The following GUCY2D variants were observed in gnomAD, a reference collection of about 807,000 sequenced individuals.
GUCY2D encodes retinal guanylyl cyclase 1.
Under a neutral mutation model 101.3 loss-of-function variants are expected in GUCY2D, and 70 were observed. That is an observed-to-expected ratio of 0.69 (90% CI 0.57 to 0.84). GUCY2D has a LOEUF of 0.84. GUCY2D is among the 40% of genes least tolerant of loss of function. GUCY2D has a pLI of 0.00. For synonymous variants in GUCY2D, 688 were observed against 670.7 expected (o/e 1.03, Z -0.40); for missense variants, 1,460 against 1,542.5 (o/e 0.95, Z 0.90).
chr17:8,005,272 T>C (rs1307999509), intron 3 of GUCY2D, among the ~76,000 whole-genome samples: 1 of 152,156 alleles, frequency 6.6e-6, no homozygotes, highest in Non-Finnish European at 1.5e-5. Flanking sequence ...ACATAATCTC[T>C]CAGATGGTCT....
intron 2 of GUCY2D, 24 bp downstream of exon 2, chr17:8,003,792 G>A: frequency 1.2e-6 from 2 of 1,602,260 alleles, no homozygotes; most frequent in South Asian, 2.2e-5. Context: ...CAGGGTGCGA[G>A]GAGGTCGGCT....
chr17:8,012,263 G>A lies in GUCY2D; in HGVS notation c.1869G>A (p.Thr623=), dbSNP rs150797198. 30 of 1,613,848 alleles carry A rather than the reference G, an allele frequency of 1.9e-5. No individual in the cohort carries two copies. Among genetic ancestry groups the A allele is most frequent in the East Asian group, 4.5e-5 (2 of 44,882 alleles). Reference sequence around the variant, plus strand: ...TGGCTGTGGTCTCAGAGCACTGCACGCGGGGCTCTCTTCAGGACCTCCTCG... The same window carrying A: ...TGGCTGTGGTCTCAGAGCACTGCACACGGGGCTCTCTTCAGGACCTCCTCG... The part of the protein sequence containing the change: ...GNLAVVSEHC[T]RGSLQDLLAQ... Residue 623 remains threonine (T), a synonymous_variant, in exon 9 of 20, where the codon ACG becomes ACA. Coordinates refer to ENST00000254854, the MANE Select transcript of GUCY2D (RefSeq NM_000180.4).
chr17:8,014,369 ACTAG>A lies in GUCY2D; in HGVS notation c.2413-229_2413-226del, dbSNP rs1422134788. ...GGCTGGCTCCAGTGCCCTGTCAATT[ACTAG>A]CTGAGATCAACTGACCTCTGGGAAC... On this transcript the variant is annotated intron_variant, in intron 12 of 19. Coordinates refer to ENST00000254854, the MANE Select transcript of GUCY2D (RefSeq NM_000180.4). The surrounding 1 kb of genome is among the most constrained non-coding windows in gnomAD (Gnocchi z 4.0). The A allele has an allele frequency of 1.1e-5, 7 of 618,420 alleles. No individual in the cohort carries two copies. In the Middle Eastern group the frequency reaches 1.3e-3, roughly 113 times the overall value. 38.3% of individuals were successfully genotyped at this position (618,420 alleles called of 1,614,324 possible). A position where few individuals can be genotyped will look rare whatever the true frequency, so the allele number is the denominator to read the frequency against.
At chr17:8,015,576 G>T in intron 15 of GUCY2D, 74 bp downstream of exon 15, 1 of 1,389,388 alleles carries the variant, frequency 7.2e-7, no homozygotes, top group South Asian at 1.2e-5. Context: ...CTGTAGAGGA[G>T]GCAACTCATG....
rs1975670717 is a variant in GUCY2D, at chr17:8,003,377, G to T, written c.330G>T (p.Ser110=). ...LLPEPCRTPG[S]LGAVSSALAR... ...CCGAGCCTTGCCGGACGCCGGGCTCGCTGGGGGCCGTGTCCTCCGCGCTGG... is the reference window on the plus strand; with the variant it reads ...CCGAGCCTTGCCGGACGCCGGGCTCTCTGGGGGCCGTGTCCTCCGCGCTGG... Residue 110 remains serine (S), a synonymous_variant, in exon 2 of 20, where the codon TCG becomes TCT. Transcript: ENST00000254854. 7 of 1,466,938 alleles carry T rather than the reference G, an allele frequency of 4.8e-6. No homozygotes were observed. In the South Asian group the frequency reaches 7.8e-5, roughly 16 times the overall value. The allele number at this position is 1,466,938 out of a possible 1,614,324, so 90.9% of individuals were successfully genotyped here. A position where few individuals can be genotyped will look rare whatever the true frequency, so the allele number is the denominator to read the frequency against.
chr17:8,015,063 A>G lies in GUCY2D; in HGVS notation c.2769+12A>G. ...ACGATGTCTACAAGGTGCAGTGTGT[A>G]GGGGACAAGCCCTCCTGACCTTCAA... On this transcript the variant is annotated intron_variant, in intron 14 of 19. Transcript: ENST00000254854. 6.2e-7 allele frequency: 1 copy of G among 1,609,720 alleles called. No homozygotes were observed. Among genetic ancestry groups the G allele is most frequent in the East Asian group, 2.2e-5 (1 of 44,840 alleles).
At chr17:8,007,025 G>A (rs374138416) in intron 4 of GUCY2D, 35 bp from the exon 5 acceptor site, 6 of 1,549,990 alleles carry the variant, frequency 3.9e-6, no homozygotes, top group Middle Eastern at 1.7e-4. Flanking sequence ...CCCTGGCATC[G>A]CTCCTCAGTA....
intron 8 of GUCY2D, among the ~76,000 whole-genome samples, chr17:8,010,268 C>T (rs1320730086): frequency 1.3e-5 from 2 of 152,178 alleles, no homozygotes; most frequent in African/African-American, 4.8e-5. Flanking sequence ...CCGGTTCTGT[C>T]AGGCCACTTG....
chr17:8,013,539 C>A lies in GUCY2D; in HGVS notation c.2263+287C>A. On this transcript the variant is annotated intron_variant, in intron 11 of 19. Coordinates refer to ENST00000254854, the MANE Select transcript of GUCY2D (RefSeq NM_000180.4). The surrounding 1 kb of genome is among the most constrained non-coding windows in gnomAD (Gnocchi z 5.0). ...GACTCCTCTCTGTTCTCAGGGGTCC[C>A]TGGGAGGAGCAGGGGAGGGGGAGTG... 3.5e-6 allele frequency: 2 copies of A among 575,526 alleles called. No homozygotes were observed. Among genetic ancestry groups the A allele is most frequent in the Non-Finnish European group, 6.2e-6 (2 of 321,384 alleles). The allele number at this position is 575,526 out of a possible 1,614,324, so 35.7% of individuals were successfully genotyped here.
chr17:8,009,061 G>A (rs1252279650), intron 7 of GUCY2D, among the ~76,000 whole-genome samples: 2 of 152,186 alleles, frequency 1.3e-5, no homozygotes, highest in Non-Finnish European at 2.9e-5. Flanking sequence ...CCTGTGAACC[G>A]GCCCTGCCAA....
intron 19 of GUCY2D, among the ~76,000 whole-genome samples, chr17:8,018,681 C>G (rs1976019302): frequency 6.6e-6 from 1 of 152,022 alleles, no homozygotes. Flanking sequence ...AGCAACAGTC[C>G]CCTTTATCCA....
Position 8,015,794 on chromosome 17 carries a change from T to C in GUCY2D, c.2996T>C (p.Phe999Ser). 6.2e-7 allele frequency: 1 copy of C among 1,612,876 alleles called. No individual in the cohort carries two copies. The highest frequency in any genetic ancestry group is 8.5e-7 in the Non-Finnish European group (1 of 1,179,652). Residue 999 changes from phenylalanine (F) to serine (S), a missense_variant, in exon 16 of 20, where the codon TTT (phenylalanine) becomes TCT (serine). Around this residue, in one of 3 missense-constraint regions of GUCY2D, gnomAD observed 215 missense variants for 227.9 expected, o/e 0.94. Coordinates refer to ENST00000254854, the MANE Select transcript of GUCY2D (RefSeq NM_000180.4). The part of the protein sequence containing the change: ...VGLTMPRYCL[F>S]GDTVNTASRM... The stretch of plus-strand genomic sequence containing the variant: ...CTCACCATGCCGCGGTACTGCCTGT[T>C]TGGGGACACGGTCAACACCGCCTCG...
At chr17:8,005,622 T>G (rs931518468) in intron 3 of GUCY2D, among the ~76,000 whole-genome samples, 1 of 152,262 alleles carries the variant, frequency 6.6e-6, no homozygotes, top group Non-Finnish European at 1.5e-5. Flanking sequence ...GCTCCTTCTC[T>G]GTCCACAGCC....
chr17:8,019,241 C>T (rs980540553), intron 19 of GUCY2D, among the ~76,000 whole-genome samples: 2 of 152,138 alleles, frequency 1.3e-5, no homozygotes, highest in African/African-American at 4.8e-5. Flanking sequence ...ACCCTGCAGC[C>T]CTTCCCCTTC....
chr17:8,002,750 C>A lies in GUCY2D; in HGVS notation c.-10+16C>A. 1 of 388,620 alleles carries A rather than the reference C, an allele frequency of 2.6e-6. No individual in the cohort carries two copies. The highest frequency in any genetic ancestry group is 5.2e-5 in the South Asian group (1 of 19,158). The allele number at this position is 388,620 out of a possible 1,614,324, so 24.1% of individuals were successfully genotyped here. A position where few individuals can be genotyped will look rare whatever the true frequency, so the allele number is the denominator to read the frequency against. ...GGACTTCCCTGTAAATGTCAGAGGC[C>A]CCTCCGCTGGGATAGGGTCGGTCTG... On this transcript the variant is annotated intron_variant, in intron 1 of 19. Coordinates refer to ENST00000254854, the MANE Select transcript of GUCY2D (RefSeq NM_000180.4). This position sits in a 1 kb window ranked among gnomAD's most constrained non-coding sequence, Gnocchi z 4.9.
Position 8,014,588 on chromosome 17 carries a change from C to T in GUCY2D, c.2413-13C>T. 2 of 1,613,988 alleles carry T rather than the reference C, an allele frequency of 1.2e-6. No individual in the cohort carries two copies. The highest frequency in any genetic ancestry group is 1.7e-6 in the Non-Finnish European group (2 of 1,179,908). On this transcript the variant is annotated splice_polypyrimidine_tract_variant and intron_variant, in intron 12 of 19. Transcript: ENST00000254854. The surrounding 1 kb of genome is among the most constrained non-coding windows in gnomAD (Gnocchi z 4.0). ...GGTCTTCAGCAGCTTTACCAGCTTC[C>T]TTCTACTGCTAGTTCAAGAACATCA...
In GUCY2D at chr17:8,003,242, C is replaced by T. The variant is rs1174980290; in HGVS notation, c.195C>T (p.Asp65=). Residue 65 remains aspartate (D), a synonymous_variant, in exon 2 of 20, where the codon GAC becomes GAT. Transcript: ENST00000254854. The stretch of plus-strand genomic sequence containing the variant: ...GGGTCCTGGGCCCCTGGGCTTGCGA[C>T]CCCATCTTCTCTCGGGCTCGCCCGG... ...TVGVLGPWAC[D]PIFSRARPDL... 13 of 1,516,162 alleles carry T rather than the reference C, an allele frequency of 8.6e-6. No homozygotes were observed. Among genetic ancestry groups the T allele is most frequent in the African/African-American group, 1.4e-5 (1 of 69,208 alleles). 93.9% of individuals were successfully genotyped at this position (1,516,162 alleles called of 1,614,324 possible). A position where few individuals can be genotyped will look rare whatever the true frequency, so the allele number is the denominator to read the frequency against.
intron 7 of GUCY2D, among the ~76,000 whole-genome samples, chr17:8,008,714 T>C (rs1348152527): frequency 1.3e-5 from 2 of 152,164 alleles, no homozygotes; most frequent in Admixed American, 1.3e-4. Flanking sequence ...TGTCCTAAAT[T>C]GTATGGGACT....
In GUCY2D at chr17:8,011,825, T is replaced by C. The variant is rs1864168018; in HGVS notation, c.1750-319T>C. On this transcript the variant is annotated intron_variant, in intron 8 of 19. Transcript: ENST00000254854. The surrounding 1 kb of genome is among the most constrained non-coding windows in gnomAD (Gnocchi z 4.3). The stretch of plus-strand genomic sequence containing the variant: ...GTCTGGGCAACAGAGTGAGACCTCG[T>C]GTCTAAAAAAAAAGGCTTATGATCA... 6.6e-6 allele frequency among the ~76,000 whole-genome samples: 1 copy of C among 152,004 alleles called. No individual in the cohort carries two copies. Among genetic ancestry groups the C allele is most frequent in the Non-Finnish European group, 1.5e-5 (1 of 67,988 alleles).
Sources: allele counts gnomAD v4.1 joint callset (sites outside exome capture counted in the v4.1 genomes callset), GRCh38; gene constraint gnomAD v4.1.1; regional missense constraint gnomAD v4.1.1; non-coding constraint Gnocchi (gnomAD v3.1); transcripts MANE v1.5; gene names NCBI Gene and HGNC (gene_info 2026-07-23, HGNC 2026-07-21).